Variants in NCAPG2 observed in about 807,000 individuals in gnomAD.
NCAPG2 encodes condensin-2 complex subunit G2.
NCAPG2 carries 53 observed loss-of-function variants against 141.1 expected under a neutral mutation model. The observed-to-expected ratio is 0.38, with a 90% confidence interval of 0.30 to 0.47. NCAPG2 has a LOEUF of 0.47. Among genes scored for constraint, NCAPG2 ranks in the 20% least tolerant of loss-of-function variants. The pLI is 0.99. For missense variants in NCAPG2, 1,087 were observed against 1,389.0 expected, an observed-to-expected ratio of 0.78 and a Z score of 3.46; for synonymous variants, 499 against 490.7, an observed-to-expected ratio of 1.02 and a Z score of -0.22.
intron 6 of NCAPG2, among the ~76,000 whole-genome samples, chr7:158,689,080 C>T (rs1457768914): frequency 1.3e-5 from 2 of 152,138 alleles, no homozygotes; most frequent in South Asian, 4.1e-4. Context: ...CTGCAGAAGG[C>T]CCCTAACACA....
At chr7:158,664,155 T>C (rs1832736178) in intron 15 of NCAPG2, 29 bp downstream of exon 15, 1 of 1,528,006 alleles carries the variant, frequency 6.5e-7, no homozygotes, top group African/African-American at 1.4e-5. Context: ...TGAGGCACTA[T>C]CTGCCCGGCC....
intron 4 of NCAPG2, among the ~76,000 whole-genome samples, chr7:158,692,568 C>G (rs950163199): frequency 6.6e-6 from 1 of 152,044 alleles, no homozygotes. Flanking sequence ...ATGGAGAAAC[C>G]CTGTCTCTAC....
At position 158,644,363 on chromosome 7, in the gene NCAPG2, C is replaced by T. The variant is rs1830849678; in HGVS notation, c.3306G>A (p.Arg1102=). The T allele has an allele frequency of 1.2e-6, 2 of 1,613,946 alleles. No individual in the cohort carries two copies. Among genetic ancestry groups the T allele is most frequent in the East Asian group, 2.2e-5 (1 of 44,870 alleles). The change falls in exon 27 of 28, where the codon AGG becomes AGA. Residue 1102 remains arginine, a synonymous_variant. Coordinates refer to ENST00000356309, the MANE Select transcript of NCAPG2 (RefSeq NM_017760.7). ...NAGKHKSSKV[R]EVAATVHRKL... is the part of the protein sequence containing the mutation. ...TTCTGTGAACAGTGGCTGCAACCTCCCTCACTTTTGAGCTTTTATGTTTAC... is the reference window on the plus strand; with the variant it reads ...TTCTGTGAACAGTGGCTGCAACCTCTCTCACTTTTGAGCTTTTATGTTTAC...
chr7:158,644,287 A>G lies in NCAPG2; in HGVS notation c.3380+2T>C, dbSNP rs1411933867. On this transcript the variant is annotated splice_donor_variant, in intron 27 of 27. Coordinates refer to ENST00000356309, the MANE Select transcript of NCAPG2 (RefSeq NM_017760.7). LOFTEE classifies it high-confidence loss of function. ...CACATCTGGTGAATATCTCTCCTTT[A>G]CCTTTCAATGCTATCCTCTTCCAAA... 1 of 1,601,988 alleles carries G rather than the reference A, an allele frequency of 6.2e-7. No individual in the cohort carries two copies. The highest frequency in any genetic ancestry group is 1.7e-5 in the Admixed American group (1 of 59,982).
intron 2 of NCAPG2, chr7:158,696,066 CA>C (rs1835425373): frequency 6.6e-6 from 1 of 152,232 alleles, no homozygotes; most frequent in Admixed American, 6.5e-5. Flanking sequence ...TGTTGCGTAG[CA>C]AAAAACTTGG....
chr7:158,657,503 T>C (rs537757561), intron 17 of NCAPG2, among the ~76,000 whole-genome samples: 3 of 152,234 alleles, frequency 2.0e-5, no homozygotes, highest in East Asian at 1.9e-4. Flanking sequence ...TTAGGGCCCA[T>C]TGAAAATCAC....
chr7:158,667,230 G>A, intron 13 of NCAPG2: 1 of 985,242 alleles, frequency 1.0e-6, no homozygotes, highest in Non-Finnish European at 1.2e-6. Flanking sequence ...CTCTGCTCTG[G>A]CGCCCAAACT....
chr7:158,666,834 T>C (rs1832987491), intron 13 of NCAPG2, among the ~76,000 whole-genome samples: 1 of 152,122 alleles, frequency 6.6e-6, no homozygotes, highest in Non-Finnish European at 1.5e-5. Flanking sequence ...CCTGGCCCAC[T>C]GGGCTCAGCC....
At chr7:158,675,000 C>T (rs554551653) in intron 12 of NCAPG2, among the ~76,000 whole-genome samples, 5 of 152,320 alleles carry the variant, frequency 3.3e-5, no homozygotes, top group African/African-American at 1.2e-4. Context: ...GATCAGTGGC[C>T]ACCCCACTAC....
chr7:158,677,538 A>C (rs1834161703), intron 11 of NCAPG2, among the ~76,000 whole-genome samples: 1 of 151,188 alleles, frequency 6.6e-6, no homozygotes, highest in South Asian at 2.1e-4. Context: ...AAAAAAAAAA[A>C]AAAAAAAAAA....
rs573335827 is a variant in NCAPG2 at position 158,659,099 on chromosome 7, G to A, written c.1990-691C>T. Among the ~76,000 whole-genome samples, 6 of 150,666 alleles carry A rather than the reference G, an allele frequency of 4.0e-5. No individual in the cohort carries two copies. In the South Asian group the frequency reaches 1.1e-3, roughly 26 times the overall value. On this transcript the variant is annotated intron_variant, in intron 16 of 27. Coordinates refer to ENST00000356309, the MANE Select transcript of NCAPG2 (RefSeq NM_017760.7). ...AATCCCAGCACTTTGGGAGGCTGAG[G>A]CAGCTGGATCACCTGAGGTTAGGAG...
chr7:158,703,079 C>T (rs1056794144), intron 1 of NCAPG2, among the ~76,000 whole-genome samples: 1 of 152,238 alleles, frequency 6.6e-6, no homozygotes, highest in African/African-American at 2.4e-5. Context: ...CAGTAGGCTA[C>T]ACCATACAGC....
At chr7:158,644,542 C>T (rs1830865112) in intron 26 of NCAPG2, among the ~76,000 whole-genome samples, 154 bp from the exon 27 acceptor site, 1 of 152,174 alleles carries the variant, frequency 6.6e-6, no homozygotes, top group Non-Finnish European at 1.5e-5. Flanking sequence ...TAGTAATTCT[C>T]CCTTCTTTAG....
In NCAPG2 at chr7:158,645,625, A is replaced by G. The variant is rs1388157626; in HGVS notation, c.3180-6T>C. 1.6e-5 allele frequency: 26 copies of G among 1,612,316 alleles called. No individual in the cohort carries two copies. The highest frequency in any genetic ancestry group is 2.2e-5 in the Non-Finnish European group (26 of 1,178,480). ...TTAATTCATCCAAAAATGACCTGCA[A>G]AAAAATCAACAAACATCAAAATTAC... is the stretch of plus-strand genomic sequence containing the variant. On this transcript the variant is annotated splice_region_variant and splice_polypyrimidine_tract_variant and intron_variant, in intron 25 of 27. Transcript: ENST00000356309.
chr7:158,682,138 A>G lies in NCAPG2; in HGVS notation c.924+1162T>C, dbSNP rs192661587. 2.0e-5 allele frequency among the ~76,000 whole-genome samples: 3 copies of G among 152,280 alleles called. No individual in the cohort carries two copies. In the East Asian group the frequency reaches 5.8e-4, roughly 29 times the overall value. ...GTGATATCTATACTTATAATATCTT[A>G]ATTACTCAGACTACCACAGCAAAAA... On this transcript the variant is annotated intron_variant, in intron 9 of 27. Coordinates refer to ENST00000356309, the MANE Select transcript of NCAPG2 (RefSeq NM_017760.7).
intron 21 of NCAPG2, 44 bp from the exon 22 acceptor site, chr7:158,654,738 A>C (rs1831773227): frequency 6.3e-7 from 1 of 1,587,014 alleles, no homozygotes; most frequent in Non-Finnish European, 8.6e-7. Context: ...CCATTTTTAA[A>C]AAGGGAGTAA....
chr7:158,674,150 T>C (rs1014135173), intron 12 of NCAPG2, among the ~76,000 whole-genome samples: 1 of 152,172 alleles, frequency 6.6e-6, no homozygotes, highest in Non-Finnish European at 1.5e-5. Flanking sequence ...AACACAGACA[T>C]GCTCCTCAGA....
intron 27 of NCAPG2, among the ~76,000 whole-genome samples, chr7:158,638,556 T>C (rs1044193960): frequency 1.3e-5 from 2 of 152,156 alleles, no homozygotes; most frequent in African/African-American, 2.4e-5. Flanking sequence ...GTTATCTCAG[T>C]ACCTGACAAA....
In NCAPG2 at chr7:158,689,944, C is replaced by A; in HGVS notation, c.547G>T (p.Val183Leu). 6.4e-7 allele frequency: 1 copy of A among 1,559,818 alleles called. No individual in the cohort carries two copies. The highest frequency in any genetic ancestry group is 8.6e-7 in the Non-Finnish European group (1 of 1,158,912). The stretch of plus-strand genomic sequence containing the variant: ...TGATGGATACGCCAAAGCCGACATA[C>A]GTCTGCACCCTAGGAATGACACAAA... ...RSLETKTGAD[V>L]CRLWRIHQAL... The change falls in exon 6 of 28, where the codon GTA becomes TTA. Residue 183 changes from valine to leucine, a missense_variant. By Grantham distance (32) the Val-to-Leu change is conservative. Transcript: ENST00000356309.
Sources: gnomAD v4.1 joint callset for allele counts (sites outside exome capture counted in the v4.1 genomes callset) on GRCh38, gnomAD v4.1.1 for gene constraint, MANE v1.5 for transcripts, NCBI Gene and HGNC (gene_info 2026-07-23, HGNC 2026-07-21) for gene names.